Variants in RNF182 observed in about 807,000 individuals in gnomAD.
RNF182 encodes E3 ubiquitin-protein ligase RNF182.
A neutral mutation model predicts 14.4 loss-of-function variants in RNF182; 15 were observed. That is an observed-to-expected ratio of 1.04 (90% CI 0.70 to 1.60). The LOEUF (loss-of-function observed/expected upper bound fraction) is 1.60, where lower values mean the gene tolerates loss of function less well. RNF182 is among the 40% of genes most tolerant of loss of function. RNF182 has a pLI of 0.00. For missense variants in RNF182, 268 were observed against 294.8 expected, an observed-to-expected ratio of 0.91 and a Z score of 0.67; for synonymous variants, 128 against 122.9, an observed-to-expected ratio of 1.04 and a Z score of -0.27.
intron 1 of RNF182, among the ~76,000 whole-genome samples, chr6:13,946,140 C>CTATTATTATT (rs10525203): frequency 2.2e-5 from 3 of 137,414 alleles, no homozygotes; most frequent in East Asian, 4.2e-4. Flanking sequence ...TAAAGCAAAA[C>CTATTATTATT]ATTATTATTA....
chr6:13,927,114 C>A (rs1329930473), intron 1 of RNF182, among the ~76,000 whole-genome samples: 2 of 152,120 alleles, frequency 1.3e-5, no homozygotes, highest in Admixed American at 6.5e-5. Flanking sequence ...AATCAACAAT[C>A]ATGTATTGCA....
At chr6:13,925,115 G>T (rs536153348) in intron 1 of RNF182, 92 bp downstream of exon 1, 1 of 115,112 alleles carries the variant, frequency 8.7e-6, no homozygotes, top group South Asian at 2.2e-4. Context: ...AGTCCTGGAC[G>T]GCGCCGGGCC....
At chr6:13,971,239 C>G (rs1285654445) in intron 1 of RNF182, among the ~76,000 whole-genome samples, 2 of 152,184 alleles carry the variant, frequency 1.3e-5, no homozygotes, top group African/African-American at 4.8e-5. Flanking sequence ...TTCCCCCATA[C>G]TGTTCTCATG....
At chr6:13,942,392 A>G (rs550572159) in intron 1 of RNF182, among the ~76,000 whole-genome samples, 1 of 152,316 alleles carries the variant, frequency 6.6e-6, no homozygotes, top group Admixed American at 6.5e-5. Context: ...CCCAGGCTGG[A>G]GTCAAGTGGT....
chr6:13,953,589 A>C (rs1028129261), intron 1 of RNF182, among the ~76,000 whole-genome samples: 7 of 152,206 alleles, frequency 4.6e-5, no homozygotes, highest in African/African-American at 1.4e-4. Context: ...CTGGCTTATA[A>C]AGTGGCGTAA....
At chr6:13,929,827 T>C (rs1266404422) in intron 1 of RNF182, among the ~76,000 whole-genome samples, 1 of 152,192 alleles carries the variant, frequency 6.6e-6, no homozygotes, top group Non-Finnish European at 1.5e-5. Context: ...ATGACACTAA[T>C]TATTATGCTT....
intron 1 of RNF182, among the ~76,000 whole-genome samples, chr6:13,942,219 A>C (rs1174564752): frequency 1.3e-5 from 2 of 152,038 alleles, no homozygotes; most frequent in Admixed American, 6.6e-5. Flanking sequence ...GTGTGTTAAA[A>C]ATTTTTTCTT....
At chr6:13,924,750 G>A, upstream of RNF182, 1 of 152,290 alleles carries the variant, frequency 6.6e-6, no homozygotes, top group Non-Finnish European at 1.5e-5. Context: ...GGTTTGTGAG[G>A]GAGACTGAGA....
At chr6:13,926,937 G>A (rs891161029) in intron 1 of RNF182, among the ~76,000 whole-genome samples, 6 of 152,086 alleles carry the variant, frequency 3.9e-5, no homozygotes, top group Admixed American at 1.3e-4. Context: ...TTTATGTTGT[G>A]GCCCTTAATC....
chr6:13,971,636 G>A (rs1175932508), intron 1 of RNF182, among the ~76,000 whole-genome samples: 1 of 152,140 alleles, frequency 6.6e-6, no homozygotes, highest in East Asian at 1.9e-4. Flanking sequence ...CTAGAGTCTT[G>A]GAGGGCTCAG....
intron 1 of RNF182, among the ~76,000 whole-genome samples, chr6:13,956,917 C>T (rs1219680118): frequency 6.6e-6 from 1 of 152,128 alleles, no homozygotes; most frequent in Non-Finnish European, 1.5e-5. Context: ...ACCCCCCGCC[C>T]CCCACCATAC....
At chr6:13,930,460 G>T (rs1394539059) in intron 1 of RNF182, among the ~76,000 whole-genome samples, 1 of 152,126 alleles carries the variant, frequency 6.6e-6, no homozygotes, top group Non-Finnish European at 1.5e-5. Context: ...CTCAACCTGG[G>T]CTCACCTGCT....
intron 1 of RNF182, among the ~76,000 whole-genome samples, chr6:13,931,298 T>A (rs1241240181): frequency 6.6e-6 from 1 of 152,182 alleles, no homozygotes; most frequent in African/African-American, 2.4e-5. Flanking sequence ...AAGGGCTACA[T>A]GAGTGGTATA....
chr6:13,944,043 A>G (rs758750848), intron 1 of RNF182, among the ~76,000 whole-genome samples: 12 of 152,176 alleles, frequency 7.9e-5, no homozygotes, highest in Non-Finnish European at 1.0e-4. Context: ...GATGCCCACC[A>G]GTTAGGCTCT....
At position 13,977,544 on chromosome 6, in the gene RNF182, C is replaced by T. The variant is rs559717155; in HGVS notation, c.425C>T (p.Pro142Leu). 3.3e-5 allele frequency: 54 copies of T among 1,614,062 alleles called. No individual in the cohort carries two copies. The East Asian group carries it at 5.1e-4, about 15-fold the overall frequency. The change falls in exon 3 of 3, where the codon CCG becomes CTG. Residue 142 changes from proline (P) to leucine (L), a missense_variant. Physicochemically the swap from Pro to Leu is moderately conservative, Grantham distance 98. Coordinates refer to ENST00000488300, the MANE Select transcript of RNF182 (RefSeq NM_152737.4). Reference sequence around the variant, plus strand: ...ATGGAGGTGCAGAGAGAGAGCTCCCCGTCCCTGAGCTCCACTCCTGTGGTA... The same window carrying T: ...ATGGAGGTGCAGAGAGAGAGCTCCCTGTCCCTGAGCTCCACTCCTGTGGTA... ...TIMEVQRESS[P>L]SLSSTPVVEF...
intron 1 of RNF182, among the ~76,000 whole-genome samples, chr6:13,933,409 C>T (rs1348226425): frequency 1.4e-5 from 2 of 146,926 alleles, no homozygotes; most frequent in African/African-American, 5.0e-5. Context: ...CCAGCTGCTC[C>T]AAAGGCTGAG....
chr6:13,964,564 C>T (rs10085265), intron 1 of RNF182, among the ~76,000 whole-genome samples: 199 of 152,224 alleles, frequency 1.3e-3, no homozygotes, highest in African/African-American at 4.5e-3. Context: ...CTGATCCCAA[C>T]GACTCCTGGA....
At chr6:13,950,906 C>G (rs957475586) in intron 1 of RNF182, among the ~76,000 whole-genome samples, 1 of 152,034 alleles carries the variant, frequency 6.6e-6, no homozygotes, top group Non-Finnish European at 1.5e-5. Context: ...AAGTGATTCT[C>G]CTGCCTCAGC....
intron 1 of RNF182, among the ~76,000 whole-genome samples, chr6:13,938,265 C>T (rs1759192630): frequency 6.7e-6 from 1 of 149,768 alleles, no homozygotes; most frequent in Non-Finnish European, 1.5e-5. Context: ...AATCTGCCAA[C>T]CTCGCCCTCC....
Sources: allele counts gnomAD v4.1 joint callset (sites outside exome capture counted in the v4.1 genomes callset), GRCh38; gene constraint gnomAD v4.1.1; transcripts MANE v1.5; gene names NCBI Gene and HGNC (gene_info 2026-07-23, HGNC 2026-07-21).